The following OR4D9 variants were observed in gnomAD, a reference collection of about 807,000 sequenced individuals.
The protein encoded by OR4D9 is olfactory receptor 4D9.
A neutral mutation model predicts 0.8 loss-of-function variants in OR4D9; 2 were observed. The ratio of observed to expected loss-of-function variants is 2.58; its 90% CI spans 1.06 to 8.13. OR4D9 has a LOEUF of 8.13. Among genes scored for constraint, OR4D9 ranks in the 30% most tolerant of loss-of-function variants. OR4D9 has a pLI of 0.04. For missense variants in OR4D9, 399 were observed against 384.7 expected (o/e 1.04, Z -0.31); for synonymous variants, 146 against 151.2 (o/e 0.97, Z 0.25).
At chr11:59,514,796 T>G in intron 2 of OR4D9, 30 bp downstream of exon 2, 6 of 711,184 alleles carry the variant, frequency 8.4e-6, no homozygotes, top group Non-Finnish European at 1.4e-5. Context: ...AGCTTCCTCC[T>G]AATTCTGAGC....
Position 59,515,790 on chromosome 11 carries a change from A to T in OR4D9, c.878A>T (p.Glu293Val). Reference sequence around the variant, plus strand: ...ATAATTTACACGCTGAGGAATCAGGAAATGAAGTTGGCCATGAGGAAACTG... The same window carrying T: ...ATAATTTACACGCTGAGGAATCAGGTAATGAAGTTGGCCATGAGGAAACTG... ...NPIIYTLRNQEMKLAMRKLKR... is the reference protein window; with the variant it reads ...NPIIYTLRNQVMKLAMRKLKR... Residue 293 changes from glutamate (E) to valine (V), a missense_variant, in exon 3 of 3, where the codon GAA (glutamate) becomes GTA (valine). By Grantham distance (121) the Glu-to-Val change is moderately radical (BLOSUM62 -2). Coordinates refer to ENST00000641962, the MANE Select transcript of OR4D9 (RefSeq NM_001004711.2). The T allele has an allele frequency of 6.2e-7, 1 of 1,614,216 alleles. No homozygotes were observed. The highest frequency in any genetic ancestry group is 2.2e-5 in the East Asian group (1 of 44,884).
At position 59,515,263 on chromosome 11, in the gene OR4D9, G is replaced by A. The variant is rs144612646; in HGVS notation, c.351G>A (p.Val117=). Residue 117 remains valine (V), a synonymous_variant, in exon 3 of 3, where the codon GTG becomes GTA. Transcript: ENST00000641962. ...GAGCAGACGTTTTTTCTCTCTCTGT[G>A]ATGGCGTTTGACCGCTATATAGCCA... The part of the protein sequence containing the change: ...LGGADVFSLS[V]MAFDRYIAIS... 22 of 1,612,710 alleles carry A rather than the reference G, an allele frequency of 1.4e-5. No homozygotes were observed. Among genetic ancestry groups the A allele is most frequent in the Non-Finnish European group, 1.8e-5 (21 of 1,179,624 alleles).
In OR4D9 at chr11:59,517,013, G is replaced by A. The variant is rs1590638020; in HGVS notation, c.*1156G>A. ...GAACCCGGGAAGCAGAGCTTGCAGT[G>A]AGCCGAGATCACACCACTGTACTCC... On this transcript the variant is annotated 3_prime_UTR_variant, in exon 3 of 3. Transcript: ENST00000641962. 6.8e-6 allele frequency: 1 copy of A among 147,230 alleles called. No individual in the cohort carries two copies. The highest frequency in any genetic ancestry group is 2.0e-4 in the East Asian group (1 of 4,882). The allele number at this position is 147,230 out of a possible 1,614,324, so 9.1% of individuals were successfully genotyped here. A position where few individuals can be genotyped will look rare whatever the true frequency, so the allele number is the denominator to read the frequency against.
chr11:59,515,375 C>T lies in OR4D9; in HGVS notation c.463C>T (p.His155Tyr). The stretch of plus-strand genomic sequence containing the variant: ...GGCTTCCTGGGTGGGGGGCTTTGTC[C>T]ACTCCATAGCGCAGATTTCTCTATT... ...IVASWVGGFV[H>Y]SIAQISLLLP... is the part of the protein sequence containing the mutation. Residue 155 changes from histidine (H) to tyrosine (Y), a missense_variant, in exon 3 of 3, where the codon CAC becomes TAC. Coordinates refer to ENST00000641962, the MANE Select transcript of OR4D9 (RefSeq NM_001004711.2). The T allele has an allele frequency of 6.2e-7, 1 of 1,613,984 alleles. No individual in the cohort carries two copies.
At position 59,520,377 on chromosome 11, in the gene OR4D9, T is replaced by A. The variant is rs1859461279; in HGVS notation, c.*4520T>A. The stretch of plus-strand genomic sequence containing the variant: ...CTATTTCTACCACTCAAAAATGTTC[T>A]GAATTTCTCACTCATAGATGGGAAT... On this transcript the variant is annotated 3_prime_UTR_variant, in exon 3 of 3. Coordinates refer to ENST00000641962, the MANE Select transcript of OR4D9 (RefSeq NM_001004711.2). 1 of 147,608 alleles carries A rather than the reference T, an allele frequency of 6.8e-6. No homozygotes were observed. The highest frequency in any genetic ancestry group is 7.1e-5 in the Admixed American group (1 of 14,072). 9.1% of individuals were successfully genotyped at this position (147,608 alleles called of 1,614,324 possible).
chr11:59,515,706 T>C lies in OR4D9; in HGVS notation c.794T>C (p.Leu265Pro). 1 of 1,614,032 alleles carries C rather than the reference T, an allele frequency of 6.2e-7. No individual in the cohort carries two copies. Among genetic ancestry groups the C allele is most frequent in the East Asian group, 2.2e-5 (1 of 44,878 alleles). ...GTCTATGCCCGGCCCTTCACTGCCC[T>C]CCCCACAGACACTGCCATCTCTGTC... ...IYVYARPFTA[L>P]PTDTAISVTF... The change falls in exon 3 of 3, where the codon CTC becomes CCC. Residue 265 changes from leucine (L) to proline (P), a missense_variant. Coordinates refer to ENST00000641962, the MANE Select transcript of OR4D9 (RefSeq NM_001004711.2).
chr11:59,513,542 A>T (rs78723435), intron 1 of OR4D9, among the ~76,000 whole-genome samples: 6,142 of 152,266 alleles, frequency 0.04, 417 homozygotes, highest in African/African-American at 0.14. Flanking sequence ...AGTGTAAATC[A>T]TTCTCATTGC....
intron 1 of OR4D9, among the ~76,000 whole-genome samples, chr11:59,514,237 T>C (rs888875836): frequency 2.0e-5 from 3 of 152,210 alleles, no homozygotes; most frequent in African/African-American, 4.8e-5. Flanking sequence ...CCACTAGCAG[T>C]GTATTAGAGT....
rs923460481 is a variant in OR4D9 at position 59,519,451 on chromosome 11, T to C, written c.*3594T>C. 2 of 152,010 alleles carry C rather than the reference T, an allele frequency of 1.3e-5. No homozygotes were observed. Among genetic ancestry groups the C allele is most frequent in the African/African-American group, 4.8e-5 (2 of 41,348 alleles). The allele number at this position is 152,010 out of a possible 1,614,324, so 9.4% of individuals were successfully genotyped here. On this transcript the variant is annotated 3_prime_UTR_variant, in exon 3 of 3. Coordinates refer to ENST00000641962, the MANE Select transcript of OR4D9 (RefSeq NM_001004711.2). ...TGAAGGAGATGGGGGAAAATTTTTC[T>C]TAACTTAAAGGAAGAGGGAAATGAT...
In OR4D9 at chr11:59,515,626, C is replaced by T. The variant is rs1213957182; in HGVS notation, c.714C>T (p.Ser238=). ...GGGAAGGCAGGAGGAAAGCCATCTCCACCTGCACCTCCCACATCACCGTGG... is the reference window on the plus strand; with the variant it reads ...GGGAAGGCAGGAGGAAAGCCATCTCTACCTGCACCTCCCACATCACCGTGG... ...HTGEGRRKAI[S]TCTSHITVVT... The change falls in exon 3 of 3, where the codon TCC becomes TCT. Residue 238 remains serine, a synonymous_variant. Transcript: ENST00000641962. 3.1e-6 allele frequency: 5 copies of T among 1,614,042 alleles called. No homozygotes were observed. Among genetic ancestry groups the T allele is most frequent in the African/African-American group, 2.7e-5 (2 of 74,904 alleles).
chr11:59,514,023 T>C (rs1859366452), intron 1 of OR4D9, among the ~76,000 whole-genome samples: 1 of 152,182 alleles, frequency 6.6e-6, no homozygotes, highest in African/African-American at 2.4e-5. Flanking sequence ...ACATGTCTTT[T>C]GATGAACATA....
intron 1 of OR4D9, among the ~76,000 whole-genome samples, chr11:59,512,132 A>G (rs1859334057): frequency 6.6e-6 from 1 of 152,112 alleles, no homozygotes; most frequent in South Asian, 2.1e-4. Context: ...AAACCGTGAT[A>G]TGTGTGGCAT....
Position 59,519,280 on chromosome 11 carries a change from G to A in OR4D9, c.*3423G>A, listed in dbSNP as rs1368991201. The A allele has an allele frequency of 6.6e-6, 1 of 152,034 alleles. No homozygotes were observed. Among genetic ancestry groups the A allele is most frequent in the Non-Finnish European group, 1.5e-5 (1 of 68,082 alleles). The allele number at this position is 152,034 out of a possible 1,614,324, so 9.4% of individuals were successfully genotyped here. A position where few individuals can be genotyped will look rare whatever the true frequency, so the allele number is the denominator to read the frequency against. ...AGCTGGGAGGATCACTTGAGCCTGG[G>A]GAAGTCAAGGGTGCAGCGAGCCATG... On this transcript the variant is annotated 3_prime_UTR_variant, in exon 3 of 3. Coordinates refer to ENST00000641962, the MANE Select transcript of OR4D9 (RefSeq NM_001004711.2).
rs1400581781 is a variant in OR4D9, at chr11:59,519,099, TCTC to T, written c.*3243_*3245del. On this transcript the variant is annotated 3_prime_UTR_variant, in exon 3 of 3. Coordinates refer to ENST00000641962, the MANE Select transcript of OR4D9 (RefSeq NM_001004711.2). ...TGGCTGCGGTGGCTCATGCCTGTAA[TCTC>T]AGCACCTTGGGAGGCCAGGGAGGGT... 6.6e-6 allele frequency: 1 copy of T among 152,246 alleles called. No individual in the cohort carries two copies. The highest frequency in any genetic ancestry group is 1.5e-5 in the Non-Finnish European group (1 of 68,110). 9.4% of individuals were successfully genotyped at this position (152,246 alleles called of 1,614,324 possible).
Position 59,515,018 on chromosome 11 carries a change from A to G in OR4D9, c.106A>G (p.Met36Val), listed in dbSNP as rs777530116. Residue 36 changes from methionine to valine, a missense_variant, in exon 3 of 3, where the codon ATG becomes GTG. Coordinates refer to ENST00000641962, the MANE Select transcript of OR4D9 (RefSeq NM_001004711.2). ...VLFTFLFLVY[M>V]TTLMGNFLIM... is the part of the protein sequence containing the mutation. Reference sequence around the variant, plus strand: ...ATTTACCTTCCTGTTTTTGGTGTACATGACAACTCTAATGGGAAACTTCCT... The same window carrying G: ...ATTTACCTTCCTGTTTTTGGTGTACGTGACAACTCTAATGGGAAACTTCCT... 5.0e-6 allele frequency: 8 copies of G among 1,613,948 alleles called. No individual in the cohort carries two copies. The highest frequency in any genetic ancestry group is 2.7e-5 in the African/African-American group (2 of 74,930).
In OR4D9 at chr11:59,515,432, C is replaced by G. The variant is rs915461416; in HGVS notation, c.520C>G (p.Leu174Val). Reference protein sequence around the residue: ...LPLPFCGPNVLDTFYCDVPQV... With the variant: ...LPLPFCGPNVVDTFYCDVPQV... Reference sequence around the variant, plus strand: ...ACTCCCTTTCTGTGGACCCAATGTTCTTGACACTTTCTACTGCGATGTCCC... The same window carrying G: ...ACTCCCTTTCTGTGGACCCAATGTTGTTGACACTTTCTACTGCGATGTCCC... Residue 174 changes from leucine (L) to valine (V), a missense_variant, in exon 3 of 3, where the codon CTT becomes GTT. Coordinates refer to ENST00000641962, the MANE Select transcript of OR4D9 (RefSeq NM_001004711.2). The G allele has an allele frequency of 6.2e-7, 1 of 1,614,172 alleles. No individual in the cohort carries two copies. The highest frequency in any genetic ancestry group is 1.3e-5 in the African/African-American group (1 of 75,040).
In OR4D9 at chr11:59,518,216, T is replaced by G. The variant is rs774840275; in HGVS notation, c.*2359T>G. ...ACTGTGTTCCCCACTATGATAAAGC[T>G]CAAGCCATAGCAGCTGGCACACATT... is the stretch of plus-strand genomic sequence containing the variant. On this transcript the variant is annotated 3_prime_UTR_variant, in exon 3 of 3. Coordinates refer to ENST00000641962, the MANE Select transcript of OR4D9 (RefSeq NM_001004711.2). 3.9e-5 allele frequency: 6 copies of G among 152,208 alleles called. No individual in the cohort carries two copies. Among genetic ancestry groups the G allele is most frequent in the Non-Finnish European group, 8.8e-5 (6 of 68,050 alleles). The allele number at this position is 152,208 out of a possible 1,614,324, so 9.4% of individuals were successfully genotyped here.
At chr11:59,513,885 C>T (rs992275465) in intron 1 of OR4D9, among the ~76,000 whole-genome samples, 28 of 152,136 alleles carry the variant, frequency 1.8e-4, no homozygotes, top group Non-Finnish European at 7.4e-5. Context: ...GTGGGAGGAT[C>T]GCTTGAGCTC....
At position 59,515,577 on chromosome 11, in the gene OR4D9, T is replaced by A; in HGVS notation, c.665T>A (p.Leu222Ter). Residue 222 changes from leucine to a stop codon, truncating the protein, a stop_gained, in exon 3 of 3, where the codon TTG becomes TAG. Transcript: ENST00000641962. LOFTEE classifies it high-confidence loss of function. ...CTCCTCATATCTTACACGGTCATCTTGATGATGCTGAGGTCTCACACTGGG... is the reference window on the plus strand; with the variant it reads ...CTCCTCATATCTTACACGGTCATCTAGATGATGCTGAGGTCTCACACTGGG... ...FFLLISYTVI[L>*]MMLRSHTGEG... The A allele has an allele frequency of 6.2e-7, 1 of 1,614,176 alleles. No homozygotes were observed. The highest frequency in any genetic ancestry group is 8.5e-7 in the Non-Finnish European group (1 of 1,180,024).
Sources: allele counts gnomAD v4.1 joint callset (sites outside exome capture counted in the v4.1 genomes callset), GRCh38; gene constraint gnomAD v4.1.1; transcripts MANE v1.5; gene names NCBI Gene and HGNC (gene_info 2026-07-23, HGNC 2026-07-21).